Variants in MAP3K20 observed in about 807,000 individuals in gnomAD.
MAP3K20 encodes the protein mitogen-activated protein kinase kinase kinase 20.
In MAP3K20, 40 loss-of-function variants were observed where a neutral mutation model predicts 85.7. The observed-to-expected ratio is 0.47, with a 90% confidence interval of 0.36 to 0.61. The LOEUF (loss-of-function observed/expected upper bound fraction) is 0.61, where lower values mean the gene tolerates loss of function less well. Ranked by LOEUF, MAP3K20 falls within the 20% of genes least tolerant of loss-of-function variation. The pLI is 0.00. For missense variants in MAP3K20, 817 were observed against 961.7 expected (o/e 0.85, Z 1.99); for synonymous variants, 325 against 327.7 (o/e 0.99, Z 0.09).
chr2:173,225,492 G>A (rs1684358153), intron 11 of MAP3K20: 1 of 690,028 alleles, frequency 1.4e-6, no homozygotes, highest in Non-Finnish European at 1.8e-6. Context: ...TACTAGGGAG[G>A]CTGAGGCAGG....
intron 16 of MAP3K20, among the ~76,000 whole-genome samples, chr2:173,258,178 C>T (rs1685202565): frequency 6.6e-6 from 1 of 152,194 alleles, no homozygotes; most frequent in Non-Finnish European, 1.5e-5. Flanking sequence ...TACATCATCA[C>T]ATTTGCACTG....
At chr2:173,183,089 C>T in intron 4 of MAP3K20, 134 bp downstream of exon 4, 1 of 662,486 alleles carries the variant, frequency 1.5e-6, no homozygotes, top group Non-Finnish European at 2.6e-6. Context: ...GTAAGAATTC[C>T]ACAGCTGATG....
chr2:173,132,858 C>A (rs1294527718), intron 2 of MAP3K20, among the ~76,000 whole-genome samples: 1 of 152,206 alleles, frequency 6.6e-6, no homozygotes, highest in Non-Finnish European at 1.5e-5. Context: ...AGAGAACACA[C>A]AAGAAGTGTT....
chr2:173,260,974 T>A, intron 17 of MAP3K20, 89 bp from the exon 18 acceptor site: 1 of 1,176,006 alleles, frequency 8.5e-7, no homozygotes, highest in Non-Finnish European at 1.2e-6. Context: ...ATTTGCTAAT[T>A]GTGTATGGCA....
chr2:173,256,056 C>G (rs960112203), intron 16 of MAP3K20, among the ~76,000 whole-genome samples: 1 of 152,250 alleles, frequency 6.6e-6, no homozygotes, highest in Non-Finnish European at 1.5e-5. Flanking sequence ...CTTCACTAAT[C>G]GGCTTTCCGT....
chr2:173,184,196 T>G (rs147716167), intron 4 of MAP3K20, among the ~76,000 whole-genome samples: 20 of 152,340 alleles, frequency 1.3e-4, no homozygotes, highest in African/African-American at 4.8e-4. Context: ...GGACCAGCTC[T>G]CTGTAAGCAA....
intron 18 of MAP3K20, among the ~76,000 whole-genome samples, chr2:173,263,242 T>C (rs17742924): frequency 0.092 from 14,007 of 152,232 alleles, 666 homozygotes; most frequent in South Asian, 0.15. Flanking sequence ...TTCCCCTCCG[T>C]GCAGGTAATT....
At chr2:173,182,002 G>A (rs2106264639) in intron 3 of MAP3K20, among the ~76,000 whole-genome samples, 1 of 152,146 alleles carries the variant, frequency 6.6e-6, no homozygotes, top group South Asian at 2.1e-4. Flanking sequence ...GCCACAGTGA[G>A]CCGAGATCAA....
At chr2:173,156,586 C>G (rs1031888574) in intron 2 of MAP3K20, among the ~76,000 whole-genome samples, 16 of 152,114 alleles carry the variant, frequency 1.1e-4, no homozygotes, top group Non-Finnish European at 2.4e-4. Flanking sequence ...TCATAAAGAC[C>G]GTGCAACCTA....
intron 16 of MAP3K20, among the ~76,000 whole-genome samples, chr2:173,249,209 G>C (rs1684988953): frequency 6.6e-6 from 1 of 152,218 alleles, no homozygotes; most frequent in Non-Finnish European, 1.5e-5. Flanking sequence ...CTATAGGAGA[G>C]AGATCTTTGC....
At chr2:173,187,106 A>G (rs984033239) in intron 4 of MAP3K20, among the ~76,000 whole-genome samples, 6 of 152,228 alleles carry the variant, frequency 3.9e-5, no homozygotes, top group African/African-American at 1.4e-4. Context: ...CCAGGTAACC[A>G]TAGACATCCA....
intron 7 of MAP3K20, among the ~76,000 whole-genome samples, chr2:173,194,811 TTTTG>T (rs1690774948): frequency 6.6e-6 from 1 of 152,084 alleles, no homozygotes; most frequent in Non-Finnish European, 1.5e-5. Context: ...TATTTTTGCT[TTTTG>T]TTTTTCTAAT....
chr2:173,159,607 C>G (rs1430873903), intron 2 of MAP3K20, among the ~76,000 whole-genome samples: 1 of 152,154 alleles, frequency 6.6e-6, no homozygotes, highest in Non-Finnish European at 1.5e-5. Context: ...CCAGACTGGT[C>G]TTGAACTCCT....
At chr2:173,196,211 C>CATTA (rs1415831842) in intron 7 of MAP3K20, among the ~76,000 whole-genome samples, 3 of 152,172 alleles carry the variant, frequency 2.0e-5, no homozygotes, top group Non-Finnish European at 4.4e-5. Context: ...ATGCCACATC[C>CATTA]ATTAATTTAC....
intron 9 of MAP3K20, among the ~76,000 whole-genome samples, chr2:173,205,680 G>T (rs1683661741): frequency 6.6e-6 from 1 of 151,922 alleles, no homozygotes; most frequent in Non-Finnish European, 1.5e-5. Context: ...TTTCACTCCT[G>T]GTCTTTAGAC....
At chr2:173,225,182 A>C (rs1429122492) in intron 11 of MAP3K20, 1 of 980,912 alleles carries the variant, frequency 1.0e-6, no homozygotes, top group Non-Finnish European at 1.2e-6. Context: ...ATGGTGTTTG[A>C]GAGTGTTGGG....
intron 2 of MAP3K20, among the ~76,000 whole-genome samples, chr2:173,142,918 T>C (rs1574052457): frequency 6.6e-6 from 1 of 151,994 alleles, no homozygotes; most frequent in East Asian, 1.9e-4. Flanking sequence ...TCCCAGCAAT[T>C]TGGGAGGCCA....
intron 16 of MAP3K20, among the ~76,000 whole-genome samples, chr2:173,257,868 C>G (rs1053758631): frequency 2.6e-5 from 4 of 152,024 alleles, no homozygotes; most frequent in African/African-American, 9.7e-5. Flanking sequence ...ATAGTGGTAC[C>G]TCATTGTGGA....
chr2:173,103,190 G>A (rs914396192), intron 2 of MAP3K20, among the ~76,000 whole-genome samples: 1 of 152,132 alleles, frequency 6.6e-6, no homozygotes, highest in Non-Finnish European at 1.5e-5. Context: ...TGAAAGCGAG[G>A]GACTTTTTCT....
Sources: gnomAD v4.1 joint callset for allele counts (sites outside exome capture counted in the v4.1 genomes callset) on GRCh38, gnomAD v4.1.1 for gene constraint, MANE v1.5 for transcripts, NCBI Gene and HGNC (gene_info 2026-07-23, HGNC 2026-07-21) for gene names.